The following TICRR variants were observed in gnomAD, a reference collection of about 807,000 sequenced individuals.
TICRR encodes treslin.
Under a neutral mutation model 178.1 loss-of-function variants are expected in TICRR, and 132 were observed. The ratio of observed to expected loss-of-function variants is 0.74; its 90% CI spans 0.64 to 0.86. The LOEUF is 0.86. Ranked by LOEUF, TICRR falls within the 40% of genes least tolerant of loss-of-function variation. The pLI is 0.00. For missense variants in TICRR, 2,587 were observed against 2,334.3 expected, an observed-to-expected ratio of 1.11 and a Z score of -2.23; for synonymous variants, 991 against 900.7, an observed-to-expected ratio of 1.10 and a Z score of -1.79.
intron 1 of TICRR, among the ~76,000 whole-genome samples, chr15:89,577,713 A>G (rs904146714): frequency 2.7e-5 from 4 of 146,892 alleles, no homozygotes; most frequent in Non-Finnish European, 4.5e-5. Context: ...GGTTCAAGCA[A>G]TTCTCCTGCC....
At chr15:89,611,177 C>T (rs1276112500) in intron 15 of TICRR, among the ~76,000 whole-genome samples, 1 of 151,758 alleles carries the variant, frequency 6.6e-6, no homozygotes, top group African/African-American at 2.4e-5. Flanking sequence ...TTTAGCTTTT[C>T]TTACAGGGTA....
At chr15:89,578,625 GTC>G (rs1321705354) in intron 1 of TICRR, among the ~76,000 whole-genome samples, 2 of 151,422 alleles carry the variant, frequency 1.3e-5, no homozygotes, top group African/African-American at 2.4e-5. Flanking sequence ...GAGATTCTTT[GTC>G]TCTCTTTTTT....
chr15:89,592,273 C>G (rs570032191), intron 5 of TICRR, 97 bp downstream of exon 5: 2 of 975,530 alleles, frequency 2.1e-6, no homozygotes, highest in African/African-American at 1.6e-5. Context: ...TGAGTATAGT[C>G]TAATAATATT....
chr15:89,614,820 T>C (rs1216304573), intron 15 of TICRR, among the ~76,000 whole-genome samples: 2 of 152,220 alleles, frequency 1.3e-5, no homozygotes, highest in Non-Finnish European at 2.9e-5. Flanking sequence ...TGGACAGAGA[T>C]TTCCTTAAAT....
At chr15:89,581,650 G>C (rs1251905404) in intron 1 of TICRR, among the ~76,000 whole-genome samples, 1 of 152,202 alleles carries the variant, frequency 6.6e-6, no homozygotes, top group Non-Finnish European at 1.5e-5. Context: ...GAGTGGGGGT[G>C]GATGAGGGGT....
Position 89,624,560 on chromosome 15 carries a change from C to T in TICRR, c.4250C>T (p.Pro1417Leu). 1 of 1,613,812 alleles carries T rather than the reference C, an allele frequency of 6.2e-7. No individual in the cohort carries two copies. The highest frequency in any genetic ancestry group is 8.5e-7 in the Non-Finnish European group (1 of 1,179,862). The change falls in exon 20 of 22, where the codon CCC becomes CTC. Residue 1417 changes from proline to leucine, a missense_variant. Pro to Leu is a moderately conservative substitution (Grantham distance 98). Transcript: ENST00000268138. ...GGCACAGCTGACAGCCCAGCTGCCC[C>T]CACAGACTCTAGAGATGACCAGAAG... The part of the protein sequence containing the change: ...GVGTADSPAA[P>L]TDSRDDQKGL...
In TICRR at chr15:89,625,182, C is replaced by T. The variant is rs769957323; in HGVS notation, c.4872C>T (p.Pro1624=). The T allele has an allele frequency of 6.2e-6, 10 of 1,613,702 alleles. No individual in the cohort carries two copies. The East Asian group carries it at 2.0e-4, about 32-fold the overall frequency. Residue 1624 remains proline, a synonymous_variant, in exon 20 of 22, where the codon CCC becomes CCT. Coordinates refer to ENST00000268138, the MANE Select transcript of TICRR (RefSeq NM_152259.4). The part of the protein sequence containing the change: ...LSKPEPTYVS[P]PCPRLSHSTP... ...AACCTGAACCCACCTATGTGTCACC[C>T]CCCTGCCCCCGCCTCTCCCACAGCA...
chr15:89,575,582 C>G lies in TICRR; in HGVS notation c.-5C>G. On this transcript the variant is annotated 5_prime_UTR_variant, in exon 1 of 22. Coordinates refer to ENST00000268138, the MANE Select transcript of TICRR (RefSeq NM_152259.4). Reference sequence around the variant, plus strand: ...CCGGGGCCCCGGGGCGGCGGCACGGCCGATATGGCATGCTGTCACAAAGTA... The same window carrying G: ...CCGGGGCCCCGGGGCGGCGGCACGGGCGATATGGCATGCTGTCACAAAGTA... 6.8e-7 allele frequency: 1 copy of G among 1,467,286 alleles called. No individual in the cohort carries two copies. 90.9% of individuals were successfully genotyped at this position (1,467,286 alleles called of 1,614,324 possible).
intron 5 of TICRR, among the ~76,000 whole-genome samples, chr15:89,592,681 C>T (rs749632893): frequency 5.9e-5 from 9 of 152,096 alleles, no homozygotes; most frequent in Admixed American, 5.9e-4. Flanking sequence ...TCAAGAGAAA[C>T]AAAAGATGGT....
intron 19 of TICRR, among the ~76,000 whole-genome samples, chr15:89,623,305 G>T (rs777854381): frequency 2.6e-5 from 4 of 152,218 alleles, no homozygotes; most frequent in Non-Finnish European, 2.9e-5. Context: ...CTGAAAAGAA[G>T]GAAGAGCTAG....
intron 1 of TICRR, among the ~76,000 whole-genome samples, chr15:89,578,309 G>A (rs12148674): frequency 0.28 from 42,366 of 152,092 alleles, 6,343 homozygotes; most frequent in South Asian, 0.37. Flanking sequence ...AATATGGTAT[G>A]TTAAAATTTT....
intron 13 of TICRR, among the ~76,000 whole-genome samples, chr15:89,604,761 ACT>A (rs1490115941): frequency 3.7e-5 from 4 of 109,106 alleles, no homozygotes; most frequent in Admixed American, 2.2e-4. Flanking sequence ...ACAGAGAGAG[ACT>A]CTGTCAAAAA....
chr15:89,578,239 A>C (rs1184141592), intron 1 of TICRR, among the ~76,000 whole-genome samples: 1 of 152,238 alleles, frequency 6.6e-6, no homozygotes, highest in Non-Finnish European at 1.5e-5. Context: ...CATGTCACTA[A>C]CCCAGGAGTG....
At chr15:89,581,649 TG>T (rs1484290657) in intron 1 of TICRR, among the ~76,000 whole-genome samples, 3 of 150,858 alleles carry the variant, frequency 2.0e-5, no homozygotes, top group Non-Finnish European at 3.0e-5. Context: ...GGAGTGGGGG[TG>T]GATGAGGGGT....
Position 89,576,246 on chromosome 15 carries a change from G to A in TICRR, c.654+6G>A. ...ATACCACCGAATGGTCTAAGGTAAG[G>A]AAGGTTACTGTCGTCTCAGATGGCG... On this transcript the variant is annotated splice_donor_region_variant and intron_variant, in intron 1 of 21. Transcript: ENST00000268138. 1.3e-6 allele frequency: 2 copies of A among 1,542,664 alleles called. No individual in the cohort carries two copies. The highest frequency in any genetic ancestry group is 1.4e-5 in the African/African-American group (1 of 73,498).
At chr15:89,605,240 T>C (rs1291802521) in intron 13 of TICRR, among the ~76,000 whole-genome samples, 1 of 152,338 alleles carries the variant, frequency 6.6e-6, no homozygotes, top group East Asian at 1.9e-4. Flanking sequence ...CTACAGGCAT[T>C]ATGGAAAGAA....
At chr15:89,613,627 T>G (rs1458607213) in intron 15 of TICRR, among the ~76,000 whole-genome samples, 1 of 152,186 alleles carries the variant, frequency 6.6e-6, no homozygotes, top group Non-Finnish European at 1.5e-5. Flanking sequence ...TTCCTTAGAC[T>G]GGATCATCTC....
At chr15:89,607,846 C>T (rs1324692136) in intron 14 of TICRR, among the ~76,000 whole-genome samples, 2 of 152,132 alleles carry the variant, frequency 1.3e-5, no homozygotes, top group Non-Finnish European at 2.9e-5. Flanking sequence ...GGCTTTGCCA[C>T]GTACTTCTTG....
chr15:89,599,217 A>G, intron 7 of TICRR, 107 bp from the exon 8 acceptor site: 1 of 944,202 alleles, frequency 1.1e-6, no homozygotes, highest in Non-Finnish European at 1.5e-6. Flanking sequence ...ACAAGGCCAA[A>G]TGTTCCCTGC....
Sources: gnomAD v4.1 joint callset for allele counts (sites outside exome capture counted in the v4.1 genomes callset) on GRCh38, gnomAD v4.1.1 for gene constraint, MANE v1.5 for transcripts, NCBI Gene and HGNC (gene_info 2026-07-23, HGNC 2026-07-21) for gene names.